The following ASCC3 variants were observed in gnomAD, a reference collection of about 807,000 sequenced individuals.
The protein encoded by ASCC3 is activating signal cointegrator 1 complex subunit 3.
In ASCC3, 158 loss-of-function variants were observed where a neutral mutation model predicts 256.3. That is an observed-to-expected ratio of 0.62 (90% CI 0.54 to 0.70). ASCC3 has a LOEUF of 0.70. Among genes scored for constraint, ASCC3 ranks in the 30% least tolerant of loss-of-function variants. The pLI is 0.00. For missense variants in ASCC3, 2,259 were observed against 2,626.0 expected, an observed-to-expected ratio of 0.86 and a Z score of 3.05; for synonymous variants, 948 against 883.4, an observed-to-expected ratio of 1.07 and a Z score of -1.30.
chr6:100,688,292 C>T (rs1312583900), intron 13 of ASCC3, among the ~76,000 whole-genome samples: 1 of 150,650 alleles, frequency 6.6e-6, no homozygotes, highest in Admixed American at 6.6e-5. Context: ...ACAACAGGAA[C>T]TCTTGATTCT....
chr6:100,623,001 G>A (rs1194255280), intron 30 of ASCC3, among the ~76,000 whole-genome samples: 1 of 152,026 alleles, frequency 6.6e-6, no homozygotes, highest in Non-Finnish European at 1.5e-5. Flanking sequence ...TTTGTACATT[G>A]TATCTTGACT....
intron 14 of ASCC3, among the ~76,000 whole-genome samples, chr6:100,669,521 C>T (rs1280397886): frequency 6.6e-6 from 1 of 151,462 alleles, no homozygotes; most frequent in African/African-American, 2.4e-5. Flanking sequence ...TTCTCATTAA[C>T]TTAATGTGTA....
intron 13 of ASCC3, among the ~76,000 whole-genome samples, chr6:100,686,135 G>A (rs1008337879): frequency 1.3e-5 from 2 of 152,074 alleles, no homozygotes; most frequent in African/African-American, 4.8e-5. Flanking sequence ...AATAATTTTT[G>A]TCTTTTATGT....
intron 36 of ASCC3, among the ~76,000 whole-genome samples, chr6:100,585,712 T>G (rs1186119225): frequency 6.6e-6 from 1 of 152,218 alleles, no homozygotes; most frequent in Non-Finnish European, 1.5e-5. Context: ...TTTGTGGTTT[T>G]ATCTACTTTT....
At chr6:100,819,424 C>G (rs10223656) in intron 4 of ASCC3, among the ~76,000 whole-genome samples, 1 of 152,106 alleles carries the variant, frequency 6.6e-6, no homozygotes, top group Non-Finnish European at 1.5e-5. Context: ...TTTATTAAGG[C>G]GTATTGACTC....
At chr6:100,706,401 G>A (rs1453041365) in intron 13 of ASCC3, among the ~76,000 whole-genome samples, 2 of 150,204 alleles carry the variant, frequency 1.3e-5, no homozygotes, top group Non-Finnish European at 3.0e-5. Flanking sequence ...TCTAATACAA[G>A]CAGAAGACAG....
chr6:100,769,551 A>G (rs1781823463), intron 8 of ASCC3, among the ~76,000 whole-genome samples: 1 of 151,824 alleles, frequency 6.6e-6, no homozygotes, highest in South Asian at 2.1e-4. Flanking sequence ...AAAGGTTTCA[A>G]AAGAACAACT....
At chr6:100,825,535 AG>A (rs1771261669) in intron 4 of ASCC3, among the ~76,000 whole-genome samples, 1 of 152,052 alleles carries the variant, frequency 6.6e-6, no homozygotes, top group African/African-American at 2.4e-5. Flanking sequence ...TGCCTTTAAC[AG>A]TTTTTCCATC....
rs1421672455 is a variant in ASCC3 at position 100,516,303 on chromosome 6, G to A, written c.5952C>T (p.Gly1984=). 6.2e-7 allele frequency: 1 copy of A among 1,613,622 alleles called. No homozygotes were observed. The change falls in exon 39 of 42, where the codon GGC becomes GGT. Residue 1984 remains glycine (G), a synonymous_variant. Transcript: ENST00000369162. The part of the protein sequence containing the change: ...LFKKWKPIMK[G]PHARGRTSIE... ...TGGAGGTCCGACCCCTAGCATGTGGGCCCTTCATAATCGGCTTCCATTTCC... is the reference window on the plus strand; with the variant it reads ...TGGAGGTCCGACCCCTAGCATGTGGACCCTTCATAATCGGCTTCCATTTCC...
chr6:100,533,956 C>A (rs1562099676), intron 37 of ASCC3, among the ~76,000 whole-genome samples: 1 of 152,218 alleles, frequency 6.6e-6, no homozygotes, highest in Non-Finnish European at 1.5e-5. Flanking sequence ...TATTTAACTT[C>A]TCTGAAAACC....
intron 13 of ASCC3, among the ~76,000 whole-genome samples, chr6:100,690,073 A>G (rs755490225): frequency 7.2e-5 from 11 of 152,134 alleles, no homozygotes; most frequent in Non-Finnish European, 1.6e-4. Context: ...CTTGGTATCC[A>G]TGGGAGACTG....
intron 37 of ASCC3, among the ~76,000 whole-genome samples, chr6:100,528,765 C>G (rs1048267570): frequency 6.6e-6 from 1 of 152,172 alleles, no homozygotes; most frequent in African/African-American, 2.4e-5. Flanking sequence ...CCTTAAAGGT[C>G]TTCCTTTCAG....
chr6:100,799,751 A>G (rs1238944963), intron 6 of ASCC3, among the ~76,000 whole-genome samples, 179 bp from the exon 7 acceptor site: 1 of 152,100 alleles, frequency 6.6e-6, no homozygotes, highest in Non-Finnish European at 1.5e-5. Flanking sequence ...AATAGGATTC[A>G]GTACATTTTT....
At chr6:100,579,898 T>C (rs949518641) in intron 36 of ASCC3, among the ~76,000 whole-genome samples, 3 of 152,180 alleles carry the variant, frequency 2.0e-5, no homozygotes, top group Non-Finnish European at 4.4e-5. Flanking sequence ...TAGCACTGAA[T>C]GTATAAATTG....
At chr6:100,571,203 G>A (rs1438250384) in intron 36 of ASCC3, among the ~76,000 whole-genome samples, 1 of 152,122 alleles carries the variant, frequency 6.6e-6, no homozygotes, top group African/African-American at 2.4e-5. Context: ...TTTCCAAGCA[G>A]CTCCTGCTTC....
intron 34 of ASCC3, among the ~76,000 whole-genome samples, chr6:100,593,626 T>C (rs1055543511): frequency 2.0e-5 from 3 of 152,102 alleles, no homozygotes; most frequent in East Asian, 3.8e-4. Context: ...TGTTCAGATA[T>C]CTTGCTGGGA....
intron 11 of ASCC3, among the ~76,000 whole-genome samples, chr6:100,720,832 TAC>T (rs1294274617): frequency 6.8e-6 from 1 of 148,046 alleles, no homozygotes; most frequent in Non-Finnish European, 1.5e-5. Context: ...ATATATGATA[TAC>T]ACTTATATAT....
At chr6:100,744,872 A>C (rs371737093) in intron 10 of ASCC3, among the ~76,000 whole-genome samples, 13 of 152,358 alleles carry the variant, frequency 8.5e-5, no homozygotes, top group African/African-American at 2.9e-4. Context: ...ATTGTGTCAA[A>C]ATTGGTTCAA....
chr6:100,702,610 G>A (rs1778405096), intron 13 of ASCC3, among the ~76,000 whole-genome samples: 1 of 152,052 alleles, frequency 6.6e-6, no homozygotes, highest in South Asian at 2.1e-4. Flanking sequence ...AGGGTCTAAG[G>A]CCACGCCTGG....
Sources: gnomAD v4.1 joint callset for allele counts (sites outside exome capture counted in the v4.1 genomes callset) on GRCh38, gnomAD v4.1.1 for gene constraint, MANE v1.5 for transcripts, NCBI Gene and HGNC (gene_info 2026-07-23, HGNC 2026-07-21) for gene names.